Variants in MRLN observed in about 807,000 individuals in gnomAD.
MRLN encodes Linc-RNA activator of myogenesis.
intron 1 of MRLN, among the ~76,000 whole-genome samples, chr10:59,741,485 C>G (rs951210924): frequency 1.3e-5 from 2 of 152,250 alleles, no homozygotes; most frequent in Admixed American, 6.5e-5. Flanking sequence ...CAGGCTCAAG[C>G]GATGCTCCCA....
chr10:59,741,966 C>T (rs1840988575), intron 1 of MRLN, among the ~76,000 whole-genome samples: 1 of 152,200 alleles, frequency 6.6e-6, no homozygotes, highest in South Asian at 2.1e-4. Context: ...CCTCAAACTG[C>T]TGGCCTCAGG....
intron 1 of MRLN, among the ~76,000 whole-genome samples, chr10:59,744,531 G>A (rs564639757): frequency 2.7e-5 from 4 of 146,374 alleles, no homozygotes; most frequent in Admixed American, 6.8e-5. Context: ...TGGGAGGTGG[G>A]GGAGCGCGCC....
At chr10:59,750,425 T>C (rs1236489044) in intron 1 of MRLN, among the ~76,000 whole-genome samples, 1 of 152,224 alleles carries the variant, frequency 6.6e-6, no homozygotes, top group Non-Finnish European at 1.5e-5. Flanking sequence ...CCCAAGCCAT[T>C]GATGGCCATG....
chr10:59,741,305 C>T (rs1161431459), intron 1 of MRLN, among the ~76,000 whole-genome samples: 1 of 152,154 alleles, frequency 6.6e-6, no homozygotes, highest in Non-Finnish European at 1.5e-5. Flanking sequence ...GTGCCCTATA[C>T]AGGTGTACCA....
At chr10:59,748,092 T>TG (rs1380492691) in intron 1 of MRLN, among the ~76,000 whole-genome samples, 2 of 86,186 alleles carry the variant, frequency 2.3e-5, no homozygotes, top group Non-Finnish European at 5.6e-5. Context: ...TTTTCTTTTG[T>TG]TTTTTTTTTT....
At chr10:59,742,691 T>C (rs976586631) in intron 1 of MRLN, among the ~76,000 whole-genome samples, 5 of 151,768 alleles carry the variant, frequency 3.3e-5, no homozygotes, top group African/African-American at 1.2e-4. Context: ...CTTCCTTCCC[T>C]TTCTTTTCCT....
chr10:59,745,086 A>C (rs1841029675), intron 1 of MRLN, among the ~76,000 whole-genome samples: 2 of 152,120 alleles, frequency 1.3e-5, no homozygotes. Flanking sequence ...CTCTCTGAGA[A>C]ACACCCAAGA....
chr10:59,744,578 C>T (rs1203385574), intron 1 of MRLN, among the ~76,000 whole-genome samples: 1 of 152,176 alleles, frequency 6.6e-6, no homozygotes, highest in Non-Finnish European at 1.5e-5. Flanking sequence ...TGAGGAGCCC[C>T]TCTGCCCAGC....
At chr10:59,739,379 T>C (rs72815869) in intron 1 of MRLN, 1,680 of 152,302 alleles carry the variant, frequency 0.011, 16 homozygotes, top group South Asian at 0.028. Context: ...CTGATATAAA[T>C]GGCATAGTAT....
chr10:59,746,569 A>G (rs139644574), intron 1 of MRLN, among the ~76,000 whole-genome samples: 2 of 152,310 alleles, frequency 1.3e-5, no homozygotes, highest in African/African-American at 2.4e-5. Flanking sequence ...ATAATTATTA[A>G]TGGCCATGCT....
At chr10:59,744,511 C>G (rs1841021990) in intron 1 of MRLN, among the ~76,000 whole-genome samples, 1 of 150,578 alleles carries the variant, frequency 6.6e-6, no homozygotes, top group Admixed American at 6.6e-5. Context: ...CGCCCGGCTG[C>G]CACCCCGTCT....
chr10:59,742,486 G>A (rs1840994038), intron 1 of MRLN, among the ~76,000 whole-genome samples: 1 of 152,092 alleles, frequency 6.6e-6, no homozygotes, highest in African/African-American at 2.4e-5. Flanking sequence ...AAAGAGATTT[G>A]CTACCACAAA....
At position 59,747,419 on chromosome 10, in the gene MRLN, C is replaced by T. The variant is rs114836757; in HGVS notation, c.-125+5935G>A. On this transcript the variant is annotated intron_variant, in intron 1 of 2. Transcript: ENST00000414264. ...TAATGGTACCTGCTTCTTAGGGTAG[C>T]CTGATAATTCAATGAGATAATGCTT... 3.9e-3 allele frequency among the ~76,000 whole-genome samples: 595 copies of T among 152,208 alleles called. 5 individuals carry two copies. The highest frequency in any genetic ancestry group is 0.013 in the African/African-American group (542 of 41,534).
At chr10:59,744,458 G>A (rs1398846787) in intron 1 of MRLN, among the ~76,000 whole-genome samples, 6 of 150,252 alleles carry the variant, frequency 4.0e-5, no homozygotes, top group African/African-American at 7.4e-5. Flanking sequence ...GGGAGCAGCC[G>A]CGCCCGGCCA....
rs567836171 is a variant in MRLN, at chr10:59,751,033, C to T, written c.-125+2321G>A. 5.0e-3 allele frequency among the ~76,000 whole-genome samples: 760 copies of T among 152,298 alleles called. 8 individuals are homozygous for T. The highest frequency in any genetic ancestry group is 0.017 in the African/African-American group (700 of 41,548). On this transcript the variant is annotated intron_variant, in intron 1 of 2. Transcript: ENST00000414264. ...GAGTATTCAAAGGCATTTGGCAAAA[C>T]CTTTTAAACTGCCTACTTGGCCTGC...
chr10:59,741,137 G>GA (rs1239028054), intron 1 of MRLN, among the ~76,000 whole-genome samples: 1 of 151,684 alleles, frequency 6.6e-6, no homozygotes, highest in East Asian at 1.9e-4. Context: ...ACTGATGAAA[G>GA]AAAAAAATGA....
chr10:59,750,378 TTTC>T (rs1407838984), intron 1 of MRLN, among the ~76,000 whole-genome samples: 2 of 152,212 alleles, frequency 1.3e-5, no homozygotes, highest in African/African-American at 2.4e-5. Context: ...GCCCACTTGC[TTTC>T]TTTTTAGGTC....
chr10:59,737,929 T>C (rs180850198), intron 2 of MRLN: 7 of 152,262 alleles, frequency 4.6e-5, no homozygotes, highest in African/African-American at 1.7e-4. Context: ...GTTCCCCATA[T>C]ATACTCAACT....
chr10:59,743,918 C>T lies in MRLN; in HGVS notation c.-124-5356G>A, dbSNP rs75062787. On this transcript the variant is annotated intron_variant, in intron 1 of 2. Coordinates refer to ENST00000414264, the MANE Select transcript of MRLN (RefSeq NM_001304731.2). ...TGACCATGAGTGATCTGCCAGCCTC[C>T]GCCTCTCAGGTGCCGGGATTGTAGA... Among the ~76,000 whole-genome samples the T allele has an allele frequency of 5.5e-4, 84 of 152,298 alleles. No individual in the cohort carries two copies. The East Asian group carries it at 0.012, about 21-fold the overall frequency.
Sources: gnomAD v4.1 joint callset for allele counts (sites outside exome capture counted in the v4.1 genomes callset) on GRCh38, gnomAD v4.1.1 for gene constraint, MANE v1.5 for transcripts, NCBI Gene and HGNC (gene_info 2026-07-23, HGNC 2026-07-21) for gene names.